The following UBP1 variants were observed in gnomAD, a reference collection of about 807,000 sequenced individuals.
UBP1 encodes upstream binding protein 1, also known as upstream-binding protein 1.
UBP1 carries 22 observed loss-of-function variants against 76.1 expected under a neutral mutation model. That is an observed-to-expected ratio of 0.29 (90% confidence interval 0.21 to 0.41). The LOEUF is 0.41. Among genes scored for constraint, UBP1 ranks in the 10% least tolerant of loss-of-function variants. The pLI is 1.00. For synonymous variants in UBP1, 224 were observed against 237.1 expected, an observed-to-expected ratio of 0.94 and a Z score of 0.51; for missense variants, 436 against 668.1, an observed-to-expected ratio of 0.65 and a Z score of 3.83.
At chr3:33,416,046 T>A (rs1407409246) in intron 3 of UBP1, 1 of 152,080 alleles carries the variant, frequency 6.6e-6, no homozygotes, top group Non-Finnish European at 1.5e-5. Flanking sequence ...GTCTTTCCAA[T>A]AGAATGCCCC....
In UBP1 at chr3:33,410,574, G is replaced by A. The variant is rs113723942; in HGVS notation, c.556-973C>T. ...ATGCAAAGCATAGCTTATGAAGGCT[G>A]GTCAGCAAGTAAGTGGTTTTCCTTT... On this transcript the variant is annotated intron_variant, in intron 5 of 15. Transcript: ENST00000283629. Among the ~76,000 whole-genome samples the A allele has an allele frequency of 4.6e-5, 7 of 152,294 alleles. 1 individual carries two copies. Among genetic ancestry groups the A allele is most frequent in the African/African-American group, 1.4e-4 (6 of 41,538 alleles).
intron 2 of UBP1, among the ~76,000 whole-genome samples, chr3:33,424,028 T>C (rs1472355703): frequency 6.6e-6 from 1 of 152,250 alleles, no homozygotes; most frequent in Non-Finnish European, 1.5e-5. Context: ...ATGGTATGTA[T>C]GTAACAGAAC....
At chr3:33,396,373 CCTTAT>C in intron 12 of UBP1, 93 bp from the exon 13 acceptor site, 1 of 920,858 alleles carries the variant, frequency 1.1e-6, no homozygotes, top group East Asian at 2.5e-5. Context: ...AGTTCTATTT[CCTTAT>C]GAGAACTTTA....
chr3:33,392,587 A>T lies in UBP1; in HGVS notation c.1561T>A (p.Cys521Ser), dbSNP rs202080913. The T allele has an allele frequency of 7.3e-5, 117 of 1,612,250 alleles. No homozygotes were observed. Residue 521 changes from cysteine (C) to serine (S), a missense_variant, in exon 15 of 16, where the codon TGT (cysteine) becomes AGT (serine). Cys to Ser is a moderately radical substitution (Grantham distance 112, BLOSUM62 -1). Coordinates refer to ENST00000283629, the MANE Select transcript of UBP1 (RefSeq NM_014517.5). ...CCTTTTACTGTGGAGAATAAAAAAC[A>T]ACTCTCATCTTGAAAATTCTGAACC... is the stretch of plus-strand genomic sequence containing the variant. ...QMVQNFQDESCFLFSTVKAES... is the reference protein window; with the variant it reads ...QMVQNFQDESSFLFSTVKAES...
rs144866373 is a variant in UBP1 at position 33,389,053 on chromosome 3, CTGATGGA to C, written c.*1271_*1277del. The C allele has an allele frequency of 3.0e-3, 455 of 152,598 alleles. 1 individual carries two copies. Among genetic ancestry groups the C allele is most frequent in the Non-Finnish European group, 5.2e-3 (351 of 68,032 alleles). 9.5% of individuals were successfully genotyped at this position (152,598 alleles called of 1,614,324 possible). On this transcript the variant is annotated 3_prime_UTR_variant, in exon 16 of 16. Coordinates refer to ENST00000283629, the MANE Select transcript of UBP1 (RefSeq NM_014517.5). ...ACACCACAGGCCTCAAACATGCTTG[CTGATGGA>C]TTCTGGGAAGGTTTTGGATGAAGGA...
In UBP1 at chr3:33,413,927, CT is replaced by C. The variant is rs1388675055; in HGVS notation, c.343-1101del. Among the ~76,000 whole-genome samples, 8 of 152,172 alleles carry C rather than the reference CT, an allele frequency of 5.3e-5. No homozygotes were observed. The East Asian group carries it at 1.5e-3, about 29-fold the overall frequency. ...CCAGTGGTTCACATCTGCTAGCCAG[CT>C]CGTCTCCAGAAAAAAGTACAGCACA... is the stretch of plus-strand genomic sequence containing the variant. On this transcript the variant is annotated intron_variant, in intron 3 of 15. Coordinates refer to ENST00000283629, the MANE Select transcript of UBP1 (RefSeq NM_014517.5).
At chr3:33,418,607 C>T (rs896980829) in intron 2 of UBP1, among the ~76,000 whole-genome samples, 4 of 151,650 alleles carry the variant, frequency 2.6e-5, no homozygotes, top group African/African-American at 9.7e-5. Context: ...GCTTGTAATC[C>T]CAGCACTTTG....
At chr3:33,392,955 A>G (rs556686052) in intron 14 of UBP1, 2 of 317,972 alleles carry the variant, frequency 6.3e-6, no homozygotes, top group East Asian at 1.1e-4. Flanking sequence ...AAAATTATAT[A>G]TCTTACATGT....
intron 4 of UBP1, among the ~76,000 whole-genome samples, chr3:33,412,507 C>T (rs747278091): frequency 4.0e-5 from 6 of 150,596 alleles, no homozygotes; most frequent in East Asian, 2.0e-4. Flanking sequence ...CACTTGAAGA[C>T]GGGAGGTAGA....
At chr3:33,412,989 T>C (rs1225530103) in intron 3 of UBP1, among the ~76,000 whole-genome samples, 162 bp from the exon 4 acceptor site, 1 of 152,224 alleles carries the variant, frequency 6.6e-6, no homozygotes, top group Admixed American at 6.5e-5. Context: ...GATACCTGGA[T>C]TACGGTACAA....
intron 1 of UBP1, among the ~76,000 whole-genome samples, chr3:33,437,219 A>T (rs1367153631): frequency 1.3e-5 from 2 of 151,878 alleles, no homozygotes; most frequent in Admixed American, 1.3e-4. Context: ...TATTTTACAC[A>T]AACATATTTT....
chr3:33,424,458 C>T (rs187623285), intron 2 of UBP1, among the ~76,000 whole-genome samples: 157 of 152,232 alleles, frequency 1.0e-3, no homozygotes, highest in African/African-American at 3.5e-3. Flanking sequence ...ACACTATATA[C>T]TCAAGTGAAC....
In UBP1 at chr3:33,397,100, C is replaced by T. The variant is rs757345920; in HGVS notation, c.1216G>A (p.Val406Ile). Reference protein sequence around the residue: ...DLLKLTKEDLVQICGAADGIR... With the variant: ...DLLKLTKEDLIQICGAADGIR... ...CCATCGGCTGCACCACAAATTTGAA[C>T]TAAATCCTCCTTTGTCAGTTTTAAT... Residue 406 changes from valine (V) to isoleucine (I), a missense_variant, in exon 12 of 16, where the codon GTT becomes ATT. By Grantham distance (29) the Val-to-Ile change is conservative. Around this residue, in one of 3 missense-constraint regions of UBP1, gnomAD observed 210 missense variants for 272.8 expected, o/e 0.77. Coordinates refer to ENST00000283629, the MANE Select transcript of UBP1 (RefSeq NM_014517.5). 1.2e-6 allele frequency: 2 copies of T among 1,600,694 alleles called. No individual in the cohort carries two copies. The highest frequency in any genetic ancestry group is 1.7e-6 in the Non-Finnish European group (2 of 1,175,768).
chr3:33,425,095 A>G (rs1336827646), intron 2 of UBP1, among the ~76,000 whole-genome samples: 3 of 152,046 alleles, frequency 2.0e-5, no homozygotes, highest in African/African-American at 7.2e-5. Context: ...CTCCTTCCCC[A>G]CCAACCCTTT....
At chr3:33,428,442 A>C (rs951799296) in intron 1 of UBP1, among the ~76,000 whole-genome samples, 13 of 149,894 alleles carry the variant, frequency 8.7e-5, no homozygotes, top group Non-Finnish European at 2.9e-5. Flanking sequence ...GATCATCAAA[A>C]TAAGATGTAT....
rs1391608637 is a variant in UBP1, at chr3:33,402,248, C to G, written c.1031+553G>C. On this transcript the variant is annotated intron_variant, in intron 9 of 15. Coordinates refer to ENST00000283629, the MANE Select transcript of UBP1 (RefSeq NM_014517.5). ...CCAAATGCAGTCTCTTGCTCCCACCCTGAGCTTACTCTAGACTCTTGCCAG... is the reference window on the plus strand; with the variant it reads ...CCAAATGCAGTCTCTTGCTCCCACCGTGAGCTTACTCTAGACTCTTGCCAG... Among the ~76,000 whole-genome samples the G allele has an allele frequency of 2.6e-5, 4 of 152,206 alleles. No individual in the cohort carries two copies. The East Asian group carries it at 7.7e-4, about 29-fold the overall frequency.
intron 4 of UBP1, among the ~76,000 whole-genome samples, chr3:33,411,905 A>G (rs1302161444): frequency 6.6e-6 from 1 of 152,130 alleles, no homozygotes; most frequent in African/African-American, 2.4e-5. Flanking sequence ...TAAGAATATG[A>G]TAAGGCTGAG....
intron 14 of UBP1, 181 bp downstream of exon 14, chr3:33,393,131 T>C: frequency 1.5e-6 from 1 of 669,066 alleles, no homozygotes; most frequent in African/African-American, 1.9e-5. Flanking sequence ...TTGTATTCCA[T>C]ATTATCACTA....
chr3:33,431,744 A>G (rs1298942251), intron 1 of UBP1, among the ~76,000 whole-genome samples: 2 of 73,014 alleles, frequency 2.7e-5, no homozygotes, highest in South Asian at 4.5e-4. Flanking sequence ...CGTCTCAAAG[A>G]AAAAAAAAAA....
Sources: gnomAD v4.1 joint callset for allele counts (sites outside exome capture counted in the v4.1 genomes callset) on GRCh38, gnomAD v4.1.1 for gene constraint, gnomAD v4.1.1 regional missense constraint, MANE v1.5 for transcripts, NCBI Gene and HGNC (gene_info 2026-07-23, HGNC 2026-07-21) for gene names.